TMPPE: variants seen among roughly 807,000 people sequenced by gnomAD.
The protein encoded by TMPPE is transmembrane protein with metallophosphoesterase domain.
TMPPE carries 16 observed loss-of-function variants against 22.6 expected under a neutral mutation model. That is an observed-to-expected ratio of 0.71 (90% CI 0.48 to 1.08). TMPPE has a LOEUF of 1.08. Ranked by LOEUF, TMPPE falls within the 50% of genes least tolerant of loss-of-function variation. The pLI, the probability that TMPPE is intolerant of heterozygous loss-of-function variation, is 0.00. For synonymous variants in TMPPE, 240 were observed against 245.3 expected, an observed-to-expected ratio of 0.98 and a Z score of 0.20; for missense variants, 526 against 584.3, an observed-to-expected ratio of 0.90 and a Z score of 1.03.
Position 33,096,696 on chromosome 3 carries a change from A to G in TMPPE, c.-109+23T>C, listed in dbSNP as rs550784027. 1.4e-3 allele frequency: 1,630 copies of G among 1,183,454 alleles called. 18 individuals carry two copies. The African/African-American group carries it at 0.024, about 17-fold the overall frequency. The allele number at this position is 1,183,454 out of a possible 1,614,324, so 73.3% of individuals were successfully genotyped here. A position where few individuals can be genotyped will look rare whatever the true frequency, so the allele number is the denominator to read the frequency against. On this transcript the variant is annotated intron_variant, in intron 1 of 1. Transcript: ENST00000342462. The stretch of plus-strand genomic sequence containing the variant: ...CTTGGAATCCCCTCCCGGAAAGCCA[A>G]CTTAGGAAATGTTTACACGCACCTC...
In TMPPE at chr3:33,090,954, T is replaced by C. The variant is rs1700733809; in HGVS notation, c.*1880A>G. The C allele has an allele frequency of 1.0e-6, 1 of 984,822 alleles. No homozygotes were observed. The highest frequency in any genetic ancestry group is 1.2e-6 in the Non-Finnish European group (1 of 829,718). 61.0% of individuals were successfully genotyped at this position (984,822 alleles called of 1,614,324 possible). On this transcript the variant is annotated 3_prime_UTR_variant, in exon 2 of 2. Transcript: ENST00000342462. ...AAAAAAAATAGGACTTAATGAAAGC[T>C]AATTTCATCAAGCCCAGGTCACTGA...
intron 1 of TMPPE, among the ~76,000 whole-genome samples, chr3:33,096,167 T>C (rs1701017687): frequency 6.6e-6 from 1 of 152,132 alleles, no homozygotes; most frequent in Non-Finnish European, 1.5e-5. Flanking sequence ...CCAAAGTTGG[T>C]CCGCGGAACG....
intron 1 of TMPPE, 32 bp downstream of exon 1, chr3:33,096,687 G>A (rs951256456): frequency 2.6e-6 from 3 of 1,161,752 alleles, no homozygotes; most frequent in Admixed American, 1.0e-4. Context: ...ATCCCCTCCC[G>A]GAAAGCCAAC....
rs1308162901 is a variant in TMPPE, at chr3:33,090,555, T to C, written c.*2279A>G. ...AACAGATTAAAAATAAAGAAACAAA[T>C]GAAATTGAAAGAATGATCAAGCTTC... On this transcript the variant is annotated 3_prime_UTR_variant, in exon 2 of 2. Transcript: ENST00000342462. 1.3e-5 allele frequency: 13 copies of C among 985,268 alleles called. No individual in the cohort carries two copies. Among genetic ancestry groups the C allele is most frequent in the Non-Finnish European group, 1.6e-5 (13 of 829,900 alleles). The allele number at this position is 985,268 out of a possible 1,614,324, so 61.0% of individuals were successfully genotyped here.
Position 33,093,560 on chromosome 3 carries a change from G to C in TMPPE, c.636C>G (p.Leu212=). ...ASMNNLKIVL[L]SDIHLGPTVG... ...CTGTGGGGCCCAAGTGAATGTCTGA[G>C]AGGAGCACGATCTTGAGGTTGTTCA... Residue 212 remains leucine, a synonymous_variant, in exon 2 of 2, where the codon CTC becomes CTG. Coordinates refer to ENST00000342462, the MANE Select transcript of TMPPE (RefSeq NM_001039770.3). This position sits in a 1 kb window ranked among gnomAD's most constrained non-coding sequence, Gnocchi z 6.0. The C allele has an allele frequency of 2.5e-6, 4 of 1,614,228 alleles. No homozygotes were observed. Among genetic ancestry groups the C allele is most frequent in the South Asian group, 1.1e-5 (1 of 91,082 alleles).
chr3:33,094,165 C>T lies in TMPPE; in HGVS notation c.31G>A (p.Ala11Thr), dbSNP rs199657885. The change falls in exon 2 of 2, where the codon GCG (alanine) becomes ACG (threonine). Residue 11 changes from alanine (A) to threonine (T), a missense_variant. By Grantham distance (58) the Ala-to-Thr change is moderately conservative (BLOSUM62 0). Coordinates refer to ENST00000342462, the MANE Select transcript of TMPPE (RefSeq NM_001039770.3). ...GTGACAGCAGCCAGGGTGGCCTTCGCGCCTAGGGACAGCTGCCTGAAGATG... is the reference window on the plus strand; with the variant it reads ...GTGACAGCAGCCAGGGTGGCCTTCGTGCCTAGGGACAGCTGCCTGAAGATG... MAIFRQLSLG[A>T]KATLAAVTVF... is the part of the protein sequence containing the mutation. 114 of 1,609,274 alleles carry T rather than the reference C, an allele frequency of 7.1e-5. No individual in the cohort carries two copies. Among genetic ancestry groups the T allele is most frequent in the Admixed American group, 2.0e-4 (12 of 59,842 alleles).
At chr3:33,095,363 A>C (rs1320649190) in intron 1 of TMPPE, among the ~76,000 whole-genome samples, 1 of 150,978 alleles carries the variant, frequency 6.6e-6, no homozygotes, top group African/African-American at 2.4e-5. Flanking sequence ...TAAAAATACA[A>C]AAAAAGAAAA....
At chr3:33,095,721 C>G (rs546867641) in intron 1 of TMPPE, among the ~76,000 whole-genome samples, 1 of 152,214 alleles carries the variant, frequency 6.6e-6, no homozygotes, top group Non-Finnish European at 1.5e-5. Context: ...TCCCTACCCC[C>G]ACTCCCAGAT....
At chr3:33,095,666 A>G (rs1313065595) in intron 1 of TMPPE, among the ~76,000 whole-genome samples, 1 of 152,150 alleles carries the variant, frequency 6.6e-6, no homozygotes, top group Non-Finnish European at 1.5e-5. Flanking sequence ...CATCAGACAG[A>G]TTGACCCTGT....
rs1701051339 is a variant in TMPPE at position 33,096,805 on chromosome 3, T to A, written c.-195A>T. On this transcript the variant is annotated 5_prime_UTR_variant, in exon 1 of 2. Transcript: ENST00000342462. ...GGAACGCACAAGCGACCGAGCTGCC[T>A]GGAAGGACGCGCGCCCCGCCCGGCC... 1.5e-6 allele frequency: 2 copies of A among 1,359,536 alleles called. No individual in the cohort carries two copies. Among genetic ancestry groups the A allele is most frequent in the Non-Finnish European group, 1.9e-6 (2 of 1,060,606 alleles). 84.2% of individuals were successfully genotyped at this position (1,359,536 alleles called of 1,614,324 possible).
rs1157094761 is a variant in TMPPE, at chr3:33,090,589, T to C, written c.*2245A>G. 1 of 985,218 alleles carries C rather than the reference T, an allele frequency of 1.0e-6. No individual in the cohort carries two copies. Among genetic ancestry groups the C allele is most frequent in the East Asian group, 1.1e-4 (1 of 8,824 alleles). 61.0% of individuals were successfully genotyped at this position (985,218 alleles called of 1,614,324 possible). On this transcript the variant is annotated 3_prime_UTR_variant, in exon 2 of 2. Transcript: ENST00000342462. ...AAGAATGATCAAGCTTCAAGTAACG[T>C]TTCTCACCACCTCCCCCGGCCACAA...
chr3:33,091,798 A>C lies in TMPPE; in HGVS notation c.*1036T>G. The C allele has an allele frequency of 1.0e-6, 1 of 985,518 alleles. No homozygotes were observed. Among genetic ancestry groups the C allele is most frequent in the South Asian group, 4.7e-5 (1 of 21,282 alleles). The allele number at this position is 985,518 out of a possible 1,614,324, so 61.0% of individuals were successfully genotyped here. A position where few individuals can be genotyped will look rare whatever the true frequency, so the allele number is the denominator to read the frequency against. ...GAGGAAGACTTTCCATCACAAGCCT[A>C]AATCACCCAGCAGGAAACCAGCCCA... On this transcript the variant is annotated 3_prime_UTR_variant, in exon 2 of 2. Coordinates refer to ENST00000342462, the MANE Select transcript of TMPPE (RefSeq NM_001039770.3).
At position 33,096,773 on chromosome 3, in the gene TMPPE, C is replaced by T; in HGVS notation, c.-163G>A. The T allele has an allele frequency of 3.0e-6, 4 of 1,327,112 alleles. No homozygotes were observed. The highest frequency in any genetic ancestry group is 3.8e-6 in the Non-Finnish European group (4 of 1,042,920). 82.2% of individuals were successfully genotyped at this position (1,327,112 alleles called of 1,614,324 possible). The stretch of plus-strand genomic sequence containing the variant: ...AAGTGGATCCAAGCGCAAAGGGCGG[C>T]CGGAGCGGAACGCACAAGCGACCGA... On this transcript the variant is annotated 5_prime_UTR_variant, in exon 1 of 2. Coordinates refer to ENST00000342462, the MANE Select transcript of TMPPE (RefSeq NM_001039770.3).
Position 33,093,425 on chromosome 3 carries a change from C to T in TMPPE, c.771G>A (p.Thr257=), listed in dbSNP as rs368289263. 55 of 1,614,010 alleles carry T rather than the reference C, an allele frequency of 3.4e-5. No individual in the cohort carries two copies. The African/African-American group carries it at 4.0e-4, about 12-fold the overall frequency. The change falls in exon 2 of 2, where the codon ACG becomes ACA. Residue 257 remains threonine (T), a synonymous_variant. Transcript: ENST00000342462. The surrounding 1 kb of genome is among the most constrained non-coding windows in gnomAD (Gnocchi z 6.0). ...GAAGCTGGCCCAGAGGAGCGACAGC[C>T]GTCCGCAGGACCGAGGCTTCTGAGT... ...LSDSEASVLR[T]AVAPLGQLHS...
In TMPPE at chr3:33,094,214, G is replaced by T. The variant is rs746681051; in HGVS notation, c.-19C>A. On this transcript the variant is annotated 5_prime_UTR_variant, in exon 2 of 2. Transcript: ENST00000342462. ...TGGCCATTTTCTCTGCTCCTAGTAG[G>T]CTCCCCCACCAGTTCTGTGCTGGTG... 6.3e-7 allele frequency: 1 copy of T among 1,578,754 alleles called. No individual in the cohort carries two copies. Among genetic ancestry groups the T allele is most frequent in the Admixed American group, 1.7e-5 (1 of 57,294 alleles).
intron 1 of TMPPE, 61 bp downstream of exon 1, chr3:33,096,658 C>A (rs1470834615): frequency 2.1e-5 from 24 of 1,121,588 alleles, no homozygotes; most frequent in African/African-American, 5.0e-5. Flanking sequence ...GAGGCACCCT[C>A]TAACCCGCGC....
Position 33,092,391 on chromosome 3 carries a change from T to A in TMPPE, c.*443A>T. On this transcript the variant is annotated 3_prime_UTR_variant, in exon 2 of 2. Transcript: ENST00000342462. ...AACACTACCCCTTCCCCAGAAAGGCTCTGGATCAATGATTCTGGAAACCAC... is the reference window on the plus strand; with the variant it reads ...AACACTACCCCTTCCCCAGAAAGGCACTGGATCAATGATTCTGGAAACCAC... 1 of 991,072 alleles carries A rather than the reference T, an allele frequency of 1.0e-6. No individual in the cohort carries two copies. Among genetic ancestry groups the A allele is most frequent in the South Asian group, 4.6e-5 (1 of 21,620 alleles). 61.4% of individuals were successfully genotyped at this position (991,072 alleles called of 1,614,324 possible). A position where few individuals can be genotyped will look rare whatever the true frequency, so the allele number is the denominator to read the frequency against.
At position 33,093,064 on chromosome 3, in the gene TMPPE, G is replaced by A; in HGVS notation, c.1132C>T (p.Leu378Phe). Residue 378 changes from leucine (L) to phenylalanine (F), a missense_variant, in exon 2 of 2, where the codon CTC (leucine) becomes TTC (phenylalanine). By Grantham distance (22) the Leu-to-Phe change is conservative. Transcript: ENST00000342462. This position sits in a 1 kb window ranked among gnomAD's most constrained non-coding sequence, Gnocchi z 6.0. ...AGGTTAATATCTGGCCGAGCCTGGA[G>A]AGCTCTCTTGGCAGCCAGGGGCTGG... ...AHQPLAAKRA[L>F]QARPDINLIL... is the part of the protein sequence containing the mutation. The A allele has an allele frequency of 6.2e-7, 1 of 1,614,230 alleles. No individual in the cohort carries two copies.
Position 33,090,569 on chromosome 3 carries a change from T to C in TMPPE, c.*2265A>G. 3 of 985,394 alleles carry C rather than the reference T, an allele frequency of 3.0e-6. No homozygotes were observed. Among genetic ancestry groups the C allele is most frequent in the Non-Finnish European group, 3.6e-6 (3 of 829,920 alleles). 61.0% of individuals were successfully genotyped at this position (985,394 alleles called of 1,614,324 possible). On this transcript the variant is annotated 3_prime_UTR_variant, in exon 2 of 2. Transcript: ENST00000342462. ...AAAGAAACAAATGAAATTGAAAGAA[T>C]GATCAAGCTTCAAGTAACGTTTCTC... is the stretch of plus-strand genomic sequence containing the variant.
Sources: gnomAD v4.1 joint callset for allele counts (sites outside exome capture counted in the v4.1 genomes callset) on GRCh38, gnomAD v4.1.1 for gene constraint, Gnocchi (gnomAD v3.1) non-coding constraint, MANE v1.5 for transcripts, NCBI Gene and HGNC (gene_info 2026-07-23, HGNC 2026-07-21) for gene names.